Variants in PAFAH2 observed in about 807,000 individuals in gnomAD.
The protein encoded by PAFAH2 is platelet-activating factor acetylhydrolase 2, cytoplasmic.
A neutral mutation model predicts 49.0 loss-of-function variants in PAFAH2; 42 were observed. The ratio of observed to expected loss-of-function variants is 0.86; its 90% CI spans 0.67 to 1.11. The LOEUF is 1.11. Among genes scored for constraint, PAFAH2 ranks in the 50% least tolerant of loss-of-function variants. The pLI, the probability that PAFAH2 is intolerant of heterozygous loss-of-function variation, is 0.00. For missense variants in PAFAH2, 503 were observed against 501.8 expected (o/e 1.00, Z -0.02); for synonymous variants, 184 against 181.3 (o/e 1.01, Z -0.12).
rs1003426375 is a variant in PAFAH2, at chr1:25,969,360, T to C, written c.1084+3198A>G. Among the ~76,000 whole-genome samples the C allele has an allele frequency of 5.3e-5, 8 of 152,312 alleles. No individual in the cohort carries two copies. In the East Asian group the frequency reaches 1.5e-3, roughly 29 times the overall value. On this transcript the variant is annotated intron_variant, in intron 10 of 10. Coordinates refer to ENST00000374282, the MANE Select transcript of PAFAH2 (RefSeq NM_000437.4). The stretch of plus-strand genomic sequence containing the variant: ...CAAAGTTAGGAGACTGTCCTCCGTG[T>C]GGACAGTCTAAAGACTGAGTGCCTA...
At chr1:25,978,730 C>T (rs1287822003) in intron 7 of PAFAH2, among the ~76,000 whole-genome samples, 1 of 152,138 alleles carries the variant, frequency 6.6e-6, no homozygotes, top group Non-Finnish European at 1.5e-5. Flanking sequence ...AGGGTAGAGC[C>T]ATATGAGATT....
intron 10 of PAFAH2, 38 bp downstream of exon 10, chr1:25,972,520 C>T (rs781357468): frequency 3.6e-5 from 58 of 1,599,288 alleles, no homozygotes; most frequent in Non-Finnish European, 4.7e-5. Flanking sequence ...ATCTAAGGGA[C>T]CCCACAGCTG....
chr1:25,993,323 C>G lies in PAFAH2; in HGVS notation c.-47-2460G>C, dbSNP rs147506285. 3.0e-3 allele frequency among the ~76,000 whole-genome samples: 453 copies of G among 152,232 alleles called. 4 individuals are homozygous for G. Among genetic ancestry groups the G allele is most frequent in the African/African-American group, 0.01 (425 of 41,526 alleles). The stretch of plus-strand genomic sequence containing the variant: ...TTCAGGAGTTCCAGTCAAAGCATGT[C>G]TGGGTAAGAAGAGACCTAAGGGAGC... On this transcript the variant is annotated intron_variant, in intron 1 of 10. Coordinates refer to ENST00000374282, the MANE Select transcript of PAFAH2 (RefSeq NM_000437.4).
In PAFAH2 at chr1:25,989,615, G is replaced by A. The variant is rs2049844895; in HGVS notation, c.91-14C>T. ...AAAGAAGCTCCCCTGTAGGAAAGAA[G>A]AGAGCAGCTGCTCAGAGCAAGGAGC... is the stretch of plus-strand genomic sequence containing the variant. On this transcript the variant is annotated splice_polypyrimidine_tract_variant and intron_variant, in intron 2 of 10. Transcript: ENST00000374282. 1 of 1,527,350 alleles carries A rather than the reference G, an allele frequency of 6.5e-7. No homozygotes were observed. Among genetic ancestry groups the A allele is most frequent in the Admixed American group, 2.2e-5 (1 of 46,060 alleles). 94.6% of individuals were successfully genotyped at this position (1,527,350 alleles called of 1,614,324 possible).
At chr1:25,975,395 T>C (rs755921403) in intron 8 of PAFAH2, among the ~76,000 whole-genome samples, 2 of 151,446 alleles carry the variant, frequency 1.3e-5, no homozygotes, top group Non-Finnish European at 2.9e-5. Flanking sequence ...CTGGGCAACA[T>C]AGCAAGACAC....
rs2049838155 is a variant in PAFAH2 at position 25,989,388 on chromosome 1, A to G, written c.244+60T>C. 6.2e-6 allele frequency: 9 copies of G among 1,443,548 alleles called. 1 individual carries two copies. In the South Asian group the frequency reaches 1.4e-4, roughly 22 times the overall value. The allele number at this position is 1,443,548 out of a possible 1,614,324, so 89.4% of individuals were successfully genotyped here. On this transcript the variant is annotated intron_variant, in intron 3 of 10. Coordinates refer to ENST00000374282, the MANE Select transcript of PAFAH2 (RefSeq NM_000437.4). ...TATAAGGTACTGCGTCCACCTGGGGATCTCCCAGGAACATAACCAAGCAAC... is the reference window on the plus strand; with the variant it reads ...TATAAGGTACTGCGTCCACCTGGGGGTCTCCCAGGAACATAACCAAGCAAC...
chr1:25,995,936 C>T (rs190649698), intron 1 of PAFAH2, among the ~76,000 whole-genome samples: 95 of 152,250 alleles, frequency 6.2e-4, no homozygotes, highest in Admixed American at 2.5e-3. Flanking sequence ...AAAAATAAGG[C>T]TATATGAAAT....
intron 1 of PAFAH2, among the ~76,000 whole-genome samples, chr1:25,994,741 T>C (rs2049916719): frequency 6.6e-6 from 1 of 152,088 alleles, no homozygotes; most frequent in South Asian, 2.1e-4. Flanking sequence ...GATTTTTGTC[T>C]CACTCTGCAT....
chr1:25,997,023 T>C (rs1476057594), intron 1 of PAFAH2, among the ~76,000 whole-genome samples: 1 of 152,178 alleles, frequency 6.6e-6, no homozygotes, highest in Non-Finnish European at 1.5e-5. Flanking sequence ...CCAGAGGGAA[T>C]GGATGGGGCT....
Position 25,965,686 on chromosome 1 carries a change from C to T in PAFAH2, c.1085-3603G>A, listed in dbSNP as rs548716092. On this transcript the variant is annotated intron_variant, in intron 10 of 10. Transcript: ENST00000374282. ...CGAAAAAATCAGCCAGGCATGGTGG[C>T]GGGCACCTGTAATCCCAGCTACTCA... Among the ~76,000 whole-genome samples the T allele has an allele frequency of 9.2e-5, 14 of 151,630 alleles. No homozygotes were observed. The South Asian group carries it at 1.7e-3, about 18-fold the overall frequency.
chr1:25,961,251 C>T lies in PAFAH2; in HGVS notation c.*738G>A, dbSNP rs1484264278. The T allele has an allele frequency of 6.6e-6, 1 of 152,204 alleles. No homozygotes were observed. 9.4% of individuals were successfully genotyped at this position (152,204 alleles called of 1,614,324 possible). On this transcript the variant is annotated 3_prime_UTR_variant, in exon 11 of 11. Transcript: ENST00000374282. ...CTGTCATCTTCCCCATCTCAACCTG[C>T]TTTTGTTGTTTCCTATCAAGATACA...
rs764323317 is a variant in PAFAH2 at position 25,984,490 on chromosome 1, C to T, written c.380G>A (p.Arg127His). Residue 127 changes from arginine (R) to histidine (H), a missense_variant, in exon 5 of 11, where the codon CGT (arginine) becomes CAT (histidine). By Grantham distance (29) the Arg-to-His change is conservative (BLOSUM62 0). Transcript: ENST00000374282. ...CTCTGGCACAGCAACCACAAAGCCA[C>T]GTGAGGCCAGCTCCATGCAGAAGGC... Reference protein sequence around the residue: ...YSAFCMELASRGFVVAVPEHR... With the variant: ...YSAFCMELASHGFVVAVPEHR... The T allele has an allele frequency of 1.2e-5, 20 of 1,613,754 alleles. 1 individual carries two copies. The highest frequency in any genetic ancestry group is 3.3e-5 in the South Asian group (3 of 91,056).
chr1:25,990,891 C>G lies in PAFAH2; in HGVS notation c.-47-28G>C. The G allele has an allele frequency of 3.3e-6, 4 of 1,216,168 alleles. No homozygotes were observed. The Admixed American group carries it at 5.4e-5, about 16-fold the overall frequency. The allele number at this position is 1,216,168 out of a possible 1,614,324, so 75.3% of individuals were successfully genotyped here. On this transcript the variant is annotated intron_variant, in intron 1 of 10. Coordinates refer to ENST00000374282, the MANE Select transcript of PAFAH2 (RefSeq NM_000437.4). ...GGATGGGGGAACACAGAACAGCAGC[C>G]GCTTGCTGGTTTCCTCTCGGCTTCC...
intron 10 of PAFAH2, among the ~76,000 whole-genome samples, 197 bp downstream of exon 10, chr1:25,972,361 G>C (rs997125739): frequency 6.6e-6 from 1 of 151,710 alleles, no homozygotes; most frequent in Admixed American, 6.6e-5. Context: ...ACCCACCAAA[G>C]TGCTAGGATT....
chr1:25,994,112 C>T (rs1387755462), intron 1 of PAFAH2, among the ~76,000 whole-genome samples: 1 of 150,562 alleles, frequency 6.6e-6, no homozygotes, highest in Non-Finnish European at 1.5e-5. Context: ...GAAAGAACCA[C>T]ATTGGAGGCC....
At chr1:25,962,821 GAAA>G (rs112823048) in intron 10 of PAFAH2, among the ~76,000 whole-genome samples, 1 of 105,338 alleles carries the variant, frequency 9.5e-6, no homozygotes, top group East Asian at 2.7e-4. Flanking sequence ...CCATGTCTCA[GAAA>G]AAAAAAAAAA....
At chr1:25,976,179 TA>T (rs1310464864) in intron 8 of PAFAH2, among the ~76,000 whole-genome samples, 2 of 152,204 alleles carry the variant, frequency 1.3e-5, no homozygotes, top group African/African-American at 4.8e-5. Flanking sequence ...GATCTTGCTC[TA>T]TTGCCCAGGC....
Position 25,972,295 on chromosome 1 carries a change from A to G in PAFAH2, c.1084+263T>C, listed in dbSNP as rs534783123. Among the ~76,000 whole-genome samples the G allele has an allele frequency of 4.8e-4, 72 of 148,744 alleles. 1 individual carries two copies. Among genetic ancestry groups the G allele is most frequent in the African/African-American group, 1.6e-3 (65 of 40,088 alleles). Reference sequence around the variant, plus strand: ...TTTTTTTTGGTAAAGATAGAGTCTCACTATGTTGCTCAGACTGGTCTCGAA... The same window carrying G: ...TTTTTTTTGGTAAAGATAGAGTCTCGCTATGTTGCTCAGACTGGTCTCGAA... On this transcript the variant is annotated intron_variant, in intron 10 of 10. Transcript: ENST00000374282.
intron 7 of PAFAH2, among the ~76,000 whole-genome samples, chr1:25,979,431 C>T (rs190385584): frequency 2.6e-5 from 4 of 151,908 alleles, no homozygotes; most frequent in East Asian, 1.9e-4. Flanking sequence ...AAGCAATTCT[C>T]GTGCTTCAGC....
Sources: allele counts gnomAD v4.1 joint callset (sites outside exome capture counted in the v4.1 genomes callset), GRCh38; gene constraint gnomAD v4.1.1; transcripts MANE v1.5; gene names NCBI Gene and HGNC (gene_info 2026-07-23, HGNC 2026-07-21).